C8orf34: variants seen among roughly 807,000 people sequenced by gnomAD.
The protein encoded by C8orf34 is chromosome 8 open reading frame 34, also known as uncharacterized protein C8orf34.
In C8orf34, 65 loss-of-function variants were observed where a neutral mutation model predicts 68.3. The ratio of observed to expected loss-of-function variants is 0.95; its 90% confidence interval spans 0.78 to 1.17. The LOEUF is 1.17. Among genes scored for constraint, C8orf34 ranks in the 50% most tolerant of loss-of-function variants. C8orf34 has a pLI of 0.00. For missense variants in C8orf34, 664 were observed against 655.4 expected (o/e 1.01, Z -0.14); for synonymous variants, 244 against 241.2 (o/e 1.01, Z -0.11).
rs10092208 is a variant in C8orf34, at chr8:68,472,030, A to G, written c.736+3210A>G. Among the ~76,000 whole-genome samples, 541 of 152,028 alleles carry G rather than the reference A, an allele frequency of 3.6e-3. 4 individuals carry two copies. Among genetic ancestry groups the G allele is most frequent in the African/African-American group, 0.012 (516 of 41,482 alleles). ...TTGCAAACATGATTTCTGTTTCAGT[A>G]ACAACTGTACCATGCTCTTTTTCTG... On this transcript the variant is annotated intron_variant, in intron 4 of 13. Transcript: ENST00000518698.
intron 5 of C8orf34, among the ~76,000 whole-genome samples, chr8:68,518,886 C>CAAAAAAAAAAA (rs56255310): frequency 1.3e-5 from 1 of 78,188 alleles, no homozygotes; most frequent in African/African-American, 5.1e-5. Flanking sequence ...GAGCAAGACT[C>CAAAAAAAAAAA]AAAAAAAAAA....
At chr8:68,783,886 A>G (rs754627171) in intron 11 of C8orf34, among the ~76,000 whole-genome samples, 11 of 152,210 alleles carry the variant, frequency 7.2e-5, no homozygotes, top group South Asian at 6.2e-4. Context: ...CACTTTCAAT[A>G]TTAAAAATAA....
intron 7 of C8orf34, among the ~76,000 whole-genome samples, chr8:68,595,646 G>A (rs535348343): frequency 1.3e-5 from 2 of 151,930 alleles, no homozygotes; most frequent in South Asian, 4.2e-4. Flanking sequence ...GATATTTCAG[G>A]CATTATTTCT....
intron 2 of C8orf34, among the ~76,000 whole-genome samples, chr8:68,445,002 G>A (rs551052431): frequency 1.6e-4 from 24 of 152,246 alleles, no homozygotes; most frequent in Admixed American, 1.5e-3. Flanking sequence ...AGGTTGAGGT[G>A]GACACCTAGA....
chr8:68,512,869 A>G (rs1050319436), intron 5 of C8orf34, among the ~76,000 whole-genome samples: 2 of 151,840 alleles, frequency 1.3e-5, no homozygotes, highest in African/African-American at 2.4e-5. Flanking sequence ...TCTCAATTAC[A>G]TGTTATAATT....
At chr8:68,535,122 A>T (rs759087538) in intron 7 of C8orf34, 2 of 984,800 alleles carry the variant, frequency 2.0e-6, no homozygotes, top group Non-Finnish European at 2.4e-6. Context: ...ATAATGCCAT[A>T]TTCAATTTCT....
chr8:68,671,720 T>C (rs73683589), intron 8 of C8orf34, among the ~76,000 whole-genome samples: 9,801 of 152,220 alleles, frequency 0.064, 426 homozygotes, highest in Middle Eastern at 0.12. Context: ...AGTTTTATAA[T>C]CGGGTAAGAG....
At chr8:68,489,648 C>G (rs527529448) in intron 5 of C8orf34, among the ~76,000 whole-genome samples, 1 of 152,282 alleles carries the variant, frequency 6.6e-6, no homozygotes, top group Admixed American at 6.5e-5. Context: ...CTATTTGTGA[C>G]ATCGTGTCGA....
intron 1 of C8orf34, among the ~76,000 whole-genome samples, chr8:68,429,719 T>A (rs569095054): frequency 6.6e-6 from 1 of 152,362 alleles, no homozygotes; most frequent in African/African-American, 2.4e-5. Flanking sequence ...ATGCAGTATA[T>A]GCACATATCA....
At chr8:68,483,458 GCT>G (rs1194229123) in intron 4 of C8orf34, among the ~76,000 whole-genome samples, 1 of 152,118 alleles carries the variant, frequency 6.6e-6, no homozygotes, top group Non-Finnish European at 1.5e-5. Flanking sequence ...CAGACCCAGG[GCT>G]TATATATCAT....
At chr8:68,709,508 T>C (rs1821271920) in intron 9 of C8orf34, among the ~76,000 whole-genome samples, 1 of 152,138 alleles carries the variant, frequency 6.6e-6, no homozygotes. Context: ...GGCAGAAATG[T>C]CAATATCATA....
intron 2 of C8orf34, among the ~76,000 whole-genome samples, chr8:68,445,148 T>C (rs536790099): frequency 5.3e-5 from 8 of 152,334 alleles, no homozygotes; most frequent in African/African-American, 1.4e-4. Flanking sequence ...TTTTGGTATT[T>C]AATGGGATTT....
chr8:68,769,888 A>T (rs549570679), intron 10 of C8orf34, among the ~76,000 whole-genome samples: 2 of 152,322 alleles, frequency 1.3e-5, no homozygotes, highest in South Asian at 2.1e-4. Flanking sequence ...TGAGCGCGAT[A>T]CGTGCTTTGG....
intron 2 of C8orf34, among the ~76,000 whole-genome samples, chr8:68,440,666 C>T (rs1029257488): frequency 6.6e-6 from 1 of 152,108 alleles, no homozygotes; most frequent in Non-Finnish European, 1.5e-5. Flanking sequence ...GGTAGGTAGG[C>T]AGGGGCTTTG....
chr8:68,808,256 T>C (rs1824542898), intron 12 of C8orf34, among the ~76,000 whole-genome samples: 1 of 152,232 alleles, frequency 6.6e-6, no homozygotes, highest in Admixed American at 6.5e-5. Flanking sequence ...TAATTTATCC[T>C]GCTGTTACTG....
chr8:68,482,971 A>G (rs1178328963), intron 4 of C8orf34, among the ~76,000 whole-genome samples: 1 of 118,296 alleles, frequency 8.5e-6, no homozygotes, highest in Non-Finnish European at 1.8e-5. Flanking sequence ...TTTCTACATT[A>G]TAATACAATT....
At chr8:68,613,266 A>G (rs558573752) in intron 7 of C8orf34, among the ~76,000 whole-genome samples, 4 of 152,098 alleles carry the variant, frequency 2.6e-5, no homozygotes, top group South Asian at 4.2e-4. Context: ...GACTTTTATA[A>G]TATCTTTTAT....
In C8orf34 at chr8:68,617,372, C is replaced by T. The variant is rs191033879; in HGVS notation, c.1106-23004C>T. On this transcript the variant is annotated intron_variant, in intron 7 of 13. Coordinates refer to ENST00000518698, the MANE Select transcript of C8orf34 (RefSeq NM_052958.4). ...TGCTCGTTAGTTGATGCAGTTTCTT[C>T]CTAGCCTCGATGGTCTTTACAATTT... is the stretch of plus-strand genomic sequence containing the variant. Among the ~76,000 whole-genome samples, 531 of 152,280 alleles carry T rather than the reference C, an allele frequency of 3.5e-3. 6 individuals are homozygous for T. The highest frequency in any genetic ancestry group is 0.012 in the African/African-American group (509 of 41,560).
chr8:68,518,605 T>A (rs542196575), intron 5 of C8orf34, among the ~76,000 whole-genome samples: 32 of 152,228 alleles, frequency 2.1e-4, no homozygotes, highest in African/African-American at 7.5e-4. Flanking sequence ...TGATTTAGCC[T>A]TAAAATTTGT....
Sources: allele counts gnomAD v4.1 joint callset (sites outside exome capture counted in the v4.1 genomes callset), GRCh38; gene constraint gnomAD v4.1.1; transcripts MANE v1.5; gene names NCBI Gene and HGNC (gene_info 2026-07-23, HGNC 2026-07-21).